Variants in OSBPL9 observed in about 807,000 individuals in gnomAD.
OSBPL9 encodes oxysterol-binding protein-related protein 9.
A neutral mutation model predicts 106.6 loss-of-function variants in OSBPL9; 40 were observed. That is an observed-to-expected ratio of 0.38 (90% confidence interval 0.29 to 0.49). OSBPL9 has a LOEUF of 0.49. Among genes scored for constraint, OSBPL9 ranks in the 20% least tolerant of loss-of-function variants. The pLI, the probability that OSBPL9 is intolerant of heterozygous loss-of-function variation, is 0.97. For missense variants in OSBPL9, 609 were observed against 887.2 expected (o/e 0.69, Z 3.98); for synonymous variants, 269 against 295.4 (o/e 0.91, Z 0.92).
At chr1:51,733,683 G>C (rs1460552709) in intron 4 of OSBPL9, among the ~76,000 whole-genome samples, 2 of 152,078 alleles carry the variant, frequency 1.3e-5, no homozygotes, top group Non-Finnish European at 2.9e-5. Flanking sequence ...GCTGAGGCAG[G>C]AGAATTGCTT....
intron 1 of OSBPL9, among the ~76,000 whole-genome samples, chr1:51,618,272 G>A (rs528894954): frequency 3.9e-5 from 6 of 152,228 alleles, no homozygotes; most frequent in Admixed American, 2.0e-4. Flanking sequence ...ACCCGCCTCG[G>A]CCTCCCAAAG....
At chr1:51,749,068 A>G (rs1472990438) in intron 7 of OSBPL9, among the ~76,000 whole-genome samples, 1 of 151,978 alleles carries the variant, frequency 6.6e-6, no homozygotes, top group Non-Finnish European at 1.5e-5. Context: ...CTGGGCAACA[A>G]GAGCGAAACT....
chr1:51,730,522 G>C (rs749144999), intron 4 of OSBPL9, among the ~76,000 whole-genome samples: 8 of 152,078 alleles, frequency 5.3e-5, no homozygotes, highest in Non-Finnish European at 8.8e-5. Context: ...TATGTGTGTC[G>C]GGAAGGAGGT....
intron 1 of OSBPL9, among the ~76,000 whole-genome samples, chr1:51,625,132 C>G (rs918290826): frequency 2.0e-5 from 3 of 152,140 alleles, no homozygotes; most frequent in Non-Finnish European, 4.4e-5. Context: ...TCATCCAGAG[C>G]CTGTGGAACT....
chr1:51,758,501 G>A (rs72663133), intron 9 of OSBPL9, among the ~76,000 whole-genome samples: 3,420 of 151,670 alleles, frequency 0.023, 64 homozygotes, highest in Non-Finnish European at 0.034. Flanking sequence ...TTTAACAAGA[G>A]TGACTCCATT....
At chr1:51,550,498 C>A in the OSBPL9 span, among the ~76,000 whole-genome samples, 1 of 152,070 alleles carries the variant, frequency 6.6e-6, no homozygotes, top group African/African-American at 2.4e-5. Context: ...CTAATACATA[C>A]GTTTTTATTT....
At chr1:51,616,637 A>ATTTACTATTTAT (rs1644065084), upstream of OSBPL9, among the ~76,000 whole-genome samples, 1 of 152,076 alleles carries the variant, frequency 6.6e-6, no homozygotes, top group Non-Finnish European at 1.5e-5. Context: ...GTACGATATA[A>ATTTACTATTTAT]TTTACTATTT....
chr1:51,518,937 C>G, the OSBPL9 span, among the ~76,000 whole-genome samples: 1 of 151,320 alleles, frequency 6.6e-6, no homozygotes, highest in Admixed American at 6.6e-5. Context: ...GGCAGCGGCG[C>G]GGAGGGCGGC....
At chr1:51,687,206 A>G (rs1653995749) in intron 3 of OSBPL9, among the ~76,000 whole-genome samples, 1 of 152,218 alleles carries the variant, frequency 6.6e-6, no homozygotes, top group Admixed American at 6.5e-5. Flanking sequence ...AGGATGGCAC[A>G]AGGGATACAG....
the OSBPL9 span, among the ~76,000 whole-genome samples, chr1:51,520,932 C>T: frequency 9.2e-5 from 14 of 152,350 alleles, no homozygotes; most frequent in African/African-American, 3.4e-4. Flanking sequence ...ATAAGAGATA[C>T]TGTTTTACAT....
chr1:51,591,738 G>A (rs184089523), intron 1 of OSBPL9, among the ~76,000 whole-genome samples: 20 of 152,252 alleles, frequency 1.3e-4, no homozygotes, highest in Non-Finnish European at 2.2e-4. Flanking sequence ...GTTGCAGTGA[G>A]CTGAGATCAT....
chr1:51,562,800 C>CT, the OSBPL9 span, among the ~76,000 whole-genome samples: 1 of 152,300 alleles, frequency 6.6e-6, no homozygotes, highest in East Asian at 1.9e-4. Context: ...GTGTAGGAAA[C>CT]TGTGGCCAAA....
chr1:51,655,696 A>C (rs1646776242), intron 2 of OSBPL9, among the ~76,000 whole-genome samples: 1 of 152,220 alleles, frequency 6.6e-6, no homozygotes, highest in South Asian at 2.1e-4. Flanking sequence ...GACAGAGAAG[A>C]ACCAAATATA....
intron 3 of OSBPL9, among the ~76,000 whole-genome samples, chr1:51,690,049 G>A (rs142492071): frequency 1.2e-3 from 181 of 151,838 alleles, no homozygotes; most frequent in African/African-American, 4.1e-3. Context: ...TAGTCCTTTC[G>A]GTATTATATT....
intron 3 of OSBPL9, among the ~76,000 whole-genome samples, chr1:51,674,201 A>G (rs892863174): frequency 1.2e-4 from 18 of 151,720 alleles, no homozygotes; most frequent in African/African-American, 4.4e-4. Context: ...TGGAACTACT[A>G]AAAAAATTAG....
chr1:51,630,910 TTTC>T (rs1368416979), intron 1 of OSBPL9, among the ~76,000 whole-genome samples: 1 of 152,204 alleles, frequency 6.6e-6, no homozygotes, highest in African/African-American at 2.4e-5. Context: ...ATTTATAAGT[TTTC>T]TTATTTTATG....
the OSBPL9 span, among the ~76,000 whole-genome samples, chr1:51,540,909 A>G: frequency 6.6e-6 from 1 of 151,664 alleles, no homozygotes; most frequent in African/African-American, 2.4e-5. Context: ...CAGTCAGCCA[A>G]GATAGCGCCA....
chr1:51,718,153 A>C (rs1179046615), intron 4 of OSBPL9, among the ~76,000 whole-genome samples: 1 of 152,232 alleles, frequency 6.6e-6, no homozygotes, highest in African/African-American at 2.4e-5. Flanking sequence ...CTAAAAATTA[A>C]AACAATCGAA....
At chr1:51,675,742 T>C (rs1248344099) in intron 3 of OSBPL9, among the ~76,000 whole-genome samples, 1 of 152,228 alleles carries the variant, frequency 6.6e-6, no homozygotes, top group Non-Finnish European at 1.5e-5. Context: ...AATAGAAGAC[T>C]AGTTCTTACT....
Sources: gnomAD v4.1 joint callset for allele counts (sites outside exome capture counted in the v4.1 genomes callset) on GRCh38, gnomAD v4.1.1 for gene constraint, MANE v1.5 for transcripts, NCBI Gene and HGNC (gene_info 2026-07-23, HGNC 2026-07-21) for gene names.